The following ACIN1 variants were observed in gnomAD, a reference collection of about 807,000 sequenced individuals.
ACIN1 encodes the protein apoptotic chromatin condensation inducer in the nucleus.
In ACIN1, 16 loss-of-function variants were observed where a neutral mutation model predicts 146.6. That is an observed-to-expected ratio of 0.11 (90% CI 0.07 to 0.17). The LOEUF is 0.17. Among genes scored for constraint, ACIN1 ranks in the 10% least tolerant of loss-of-function variants. The pLI, the probability that ACIN1 is intolerant of heterozygous loss-of-function variation, is 1.00. For synonymous variants in ACIN1, 569 were observed against 582.7 expected, an observed-to-expected ratio of 0.98 and a Z score of 0.34; for missense variants, 1,357 against 1,609.3, an observed-to-expected ratio of 0.84 and a Z score of 2.68.
At chr14:23,071,345 T>C (rs2047643296) in intron 8 of ACIN1, 4 of 1,516,762 alleles carry the variant, frequency 2.6e-6, no homozygotes, top group Non-Finnish European at 2.7e-6. Context: ...ATCCAAAAAA[T>C]GGTAAATGGA....
At chr14:23,063,830 T>C (rs1357567660) in intron 12 of ACIN1, among the ~76,000 whole-genome samples, 1 of 152,238 alleles carries the variant, frequency 6.6e-6, no homozygotes, top group Admixed American at 6.5e-5. Flanking sequence ...GCAGGCCACA[T>C]AGTTTGTTGC....
intron 9 of ACIN1, chr14:23,069,055 A>G: frequency 2.0e-6 from 2 of 988,104 alleles, no homozygotes; most frequent in Non-Finnish European, 2.4e-6. Context: ...ATTTCTCAGC[A>G]TGGCTGGTCT....
intron 8 of ACIN1, 146 bp from the exon 9 acceptor site, chr14:23,069,763 A>C (rs1322279473): frequency 1.4e-6 from 1 of 722,646 alleles, no homozygotes; most frequent in African/African-American, 1.8e-5. Context: ...GATCAAGGTT[A>C]GAGACCTTGT....
Position 23,062,972 on chromosome 14 carries a change from G to C in ACIN1, c.2840C>G (p.Pro947Arg). The C allele has an allele frequency of 6.2e-7, 1 of 1,612,780 alleles. No individual in the cohort carries two copies. The highest frequency in any genetic ancestry group is 1.7e-4 in the Middle Eastern group (1 of 6,058). ...DPVRTAQVPS[P>R]PRGKISNIVH... is the part of the protein sequence containing the mutation. ...AATGTTGCTAATCTTGCCCCGGGGT[G>C]GGGAGGGCACCTGGGCAGTTCGGAC... Residue 947 changes from proline to arginine, a missense_variant, in exon 14 of 19, where the codon CCA (proline) becomes CGA (arginine). Transcript: ENST00000605057.
At chr14:23,094,702 G>T (rs1018156738) in intron 1 of ACIN1, 50 of 661,112 alleles carry the variant, frequency 7.6e-5, no homozygotes, top group Admixed American at 1.8e-4. Context: ...AAACAAGGAG[G>T]GGGTGGGGGA....
At chr14:23,081,007 T>G (rs529548484) in intron 5 of ACIN1, among the ~76,000 whole-genome samples, 198 bp from the exon 6 acceptor site, 1 of 150,226 alleles carries the variant, frequency 6.7e-6, no homozygotes, top group African/African-American at 2.4e-5. Flanking sequence ...AAAAGAAATA[T>G]CACAATGAAG....
intron 2 of ACIN1, among the ~76,000 whole-genome samples, chr14:23,091,187 G>T (rs935216013): frequency 6.6e-6 from 1 of 152,094 alleles, no homozygotes; most frequent in Non-Finnish European, 1.5e-5. Context: ...TTACAAGTGT[G>T]AGCCACCGTG....
Position 23,063,418 on chromosome 14 carries a change from T to A in ACIN1, c.2737+18A>T. 6.2e-7 allele frequency: 1 copy of A among 1,609,088 alleles called. No individual in the cohort carries two copies. The highest frequency in any genetic ancestry group is 8.5e-7 in the Non-Finnish European group (1 of 1,177,322). ...TTCAGGGAGCCGCATTACATTTCTC[T>A]CACAATATGTCACTCACCTTTCTTT... On this transcript the variant is annotated intron_variant, in intron 13 of 18. Transcript: ENST00000605057.
intron 4 of ACIN1, among the ~76,000 whole-genome samples, chr14:23,087,761 C>T (rs1418527463): frequency 6.6e-6 from 1 of 151,996 alleles, no homozygotes; most frequent in African/African-American, 2.4e-5. Flanking sequence ...CTGTGTATCA[C>T]CCTCATCTAC....
At chr14:23,095,153 AT>A (rs756763533), upstream of ACIN1, 2 of 1,614,156 alleles carry the variant, frequency 1.2e-6, no homozygotes, top group South Asian at 2.2e-5. Flanking sequence ...GGCTTCGGGC[AT>A]CTTCGGTAAT....
At chr14:23,090,944 G>A (rs1056497735) in intron 2 of ACIN1, among the ~76,000 whole-genome samples, 2 of 152,114 alleles carry the variant, frequency 1.3e-5, no homozygotes, top group Non-Finnish European at 2.9e-5. Flanking sequence ...TCACTCTGTT[G>A]CCCAGGCTGG....
At chr14:23,084,977 C>T (rs2048050423) in intron 4 of ACIN1, among the ~76,000 whole-genome samples, 1 of 151,892 alleles carries the variant, frequency 6.6e-6, no homozygotes, top group African/African-American at 2.4e-5. Flanking sequence ...TCACAAGTAT[C>T]AGTGAAAGAA....
In ACIN1 at chr14:23,058,968, T is replaced by G; in HGVS notation, c.*180A>C. On this transcript the variant is annotated 3_prime_UTR_variant, in exon 19 of 19. Transcript: ENST00000605057. ...GAGGGTCGGGCTAAGTCCCAAGAGA[T>G]AGGTTAAGGGGGTGTGTTTGGGGGG... 7 of 603,038 alleles carry G rather than the reference T, an allele frequency of 1.2e-5. No individual in the cohort carries two copies. The South Asian group carries it at 1.3e-4, about 11-fold the overall frequency. The allele number at this position is 603,038 out of a possible 1,614,324, so 37.4% of individuals were successfully genotyped here.
At position 23,061,442 on chromosome 14, in the gene ACIN1, C is replaced by T. The variant is rs948188169; in HGVS notation, c.3280G>A (p.Glu1094Lys). 1 of 1,613,882 alleles carries T rather than the reference C, an allele frequency of 6.2e-7. No homozygotes were observed. Among genetic ancestry groups the T allele is most frequent in the Non-Finnish European group, 8.5e-7 (1 of 1,179,948 alleles). The stretch of plus-strand genomic sequence containing the variant: ...CGAGTCCGCTCCCGCCGCTCCATTT[C>T]CCGTTCCCGTTCTGCCCACTGTTCC... ...VREQWAERER[E>K]MERRERTRSE... The change falls in exon 17 of 19, where the codon GAA becomes AAA. Residue 1094 changes from glutamate to lysine, a missense_variant. By Grantham distance (56) the Glu-to-Lys change is moderately conservative. Coordinates refer to ENST00000605057, the MANE Select transcript of ACIN1 (RefSeq NM_001386863.1).
intron 3 of ACIN1, 47 bp downstream of exon 3, chr14:23,090,475 G>A: frequency 6.5e-7 from 1 of 1,529,944 alleles, no homozygotes; most frequent in Non-Finnish European, 9.0e-7. Flanking sequence ...TTGGTGACAG[G>A]GATAAGAATG....
chr14:23,061,937 G>A (rs1339228337), intron 16 of ACIN1, among the ~76,000 whole-genome samples: 1 of 135,134 alleles, frequency 7.4e-6, no homozygotes, highest in East Asian at 2.2e-4. Flanking sequence ...TCGCGCCACT[G>A]CACTCCAGCC....
At position 23,079,716 on chromosome 14, in the gene ACIN1, C is replaced by T. The variant is rs2140150924; in HGVS notation, c.1619G>A (p.Ser540Asn). The T allele has an allele frequency of 6.2e-7, 1 of 1,614,142 alleles. No individual in the cohort carries two copies. The highest frequency in any genetic ancestry group is 8.5e-7 in the Non-Finnish European group (1 of 1,180,030). ...CGGTGAATGAGACCGAGAACCTGAA[C>T]TGTCAGGAGAGCGAGATCTTGATCT... ...SSRSRSRSPD[S>N]SGSRSHSPLR... The change falls in exon 6 of 19, where the codon AGT becomes AAT. Residue 540 changes from serine to asparagine, a missense_variant. By Grantham distance (46) the Ser-to-Asn change is conservative (BLOSUM62 1). Around this residue, in one of 4 missense-constraint regions of ACIN1, gnomAD observed 771 missense variants for 746.6 expected, o/e 1.03. Coordinates refer to ENST00000605057, the MANE Select transcript of ACIN1 (RefSeq NM_001386863.1).
chr14:23,067,525 G>T lies in ACIN1; in HGVS notation c.2266-1517C>A, dbSNP rs2047496950. ...GGGGCGGGAGGGAAACGTGTGGGGG[G>T]ACGCTGCCCAGTTTCCATGATGTCA... On this transcript the variant is annotated intron_variant, in intron 9 of 18. Coordinates refer to ENST00000605057, the MANE Select transcript of ACIN1 (RefSeq NM_001386863.1). This position sits in a 1 kb window ranked among gnomAD's most constrained non-coding sequence, Gnocchi z 4.6. The T allele has an allele frequency of 1.0e-6, 1 of 985,594 alleles. No homozygotes were observed. The highest frequency in any genetic ancestry group is 1.7e-5 in the African/African-American group (1 of 57,144). 61.1% of individuals were successfully genotyped at this position (985,594 alleles called of 1,614,324 possible).
chr14:23,061,703 G>A lies in ACIN1; in HGVS notation c.3100-81C>T, dbSNP rs182465317. On this transcript the variant is annotated intron_variant, in intron 16 of 18. Coordinates refer to ENST00000605057, the MANE Select transcript of ACIN1 (RefSeq NM_001386863.1). Reference sequence around the variant, plus strand: ...CAAGGAGCCAGGATGGCCGGGCGCGGTGGCTCACGCCTGTAATCCCAGCAC... The same window carrying A: ...CAAGGAGCCAGGATGGCCGGGCGCGATGGCTCACGCCTGTAATCCCAGCAC... 1,759 of 1,295,390 alleles carry A rather than the reference G, an allele frequency of 1.4e-3. 28 individuals carry two copies. The African/African-American group carries it at 0.023, about 17-fold the overall frequency. The allele number at this position is 1,295,390 out of a possible 1,614,324, so 80.2% of individuals were successfully genotyped here.
Sources: allele counts gnomAD v4.1 joint callset (sites outside exome capture counted in the v4.1 genomes callset), GRCh38; gene constraint gnomAD v4.1.1; regional missense constraint gnomAD v4.1.1; non-coding constraint Gnocchi (gnomAD v3.1); transcripts MANE v1.5; gene names NCBI Gene and HGNC (gene_info 2026-07-23, HGNC 2026-07-21).